The following UNC13C variants were observed in gnomAD, a reference collection of about 807,000 sequenced individuals.
The protein encoded by UNC13C is protein unc-13 homolog C.
A neutral mutation model predicts 245.4 loss-of-function variants in UNC13C; 174 were observed. The ratio of observed to expected loss-of-function variants is 0.71; its 90% CI spans 0.63 to 0.80. The LOEUF is 0.80. Among genes scored for constraint, UNC13C ranks in the 30% least tolerant of loss-of-function variants. The pLI is 0.00. For missense variants in UNC13C, 2,829 were observed against 2,602.9 expected (o/e 1.09, Z -1.89); for synonymous variants, 992 against 895.1 (o/e 1.11, Z -1.93).
chr15:54,620,277 G>A (rs1221963344), intron 30 of UNC13C, among the ~76,000 whole-genome samples: 1 of 152,070 alleles, frequency 6.6e-6, no homozygotes, highest in African/African-American at 2.4e-5. Context: ...ACACACACAG[G>A]TAGGGTGTAT....
the UNC13C span, among the ~76,000 whole-genome samples, chr15:53,937,020 G>A: frequency 4.7e-4 from 71 of 152,330 alleles, no homozygotes; most frequent in Middle Eastern, 3.4e-3. Flanking sequence ...CACAGAACTG[G>A]GCTGAGGCTG....
At chr15:53,966,093 G>A in the UNC13C span, among the ~76,000 whole-genome samples, 16 of 152,046 alleles carry the variant, frequency 1.1e-4, no homozygotes, top group Non-Finnish European at 1.6e-4. Flanking sequence ...AAATGTATTT[G>A]TTAAAGAAAT....
At chr15:54,364,031 G>A (rs890960847) in intron 17 of UNC13C, among the ~76,000 whole-genome samples, 1 of 152,174 alleles carries the variant, frequency 6.6e-6, no homozygotes, top group East Asian at 1.9e-4. Context: ...CATCAATTCA[G>A]TACAGGCACT....
At chr15:54,268,547 T>C (rs1264695543) in intron 10 of UNC13C, among the ~76,000 whole-genome samples, 2 of 152,136 alleles carry the variant, frequency 1.3e-5, no homozygotes, top group Admixed American at 1.3e-4. Context: ...TATCGTAGCA[T>C]CCTATAGGTA....
At chr15:54,538,616 C>T (rs1896103470) in intron 26 of UNC13C, among the ~76,000 whole-genome samples, 1 of 152,020 alleles carries the variant, frequency 6.6e-6, no homozygotes, top group African/African-American at 2.4e-5. Flanking sequence ...CAATGGTAGA[C>T]TGGATAAAGA....
At chr15:54,484,946 G>A (rs1004311382) in intron 19 of UNC13C, among the ~76,000 whole-genome samples, 1 of 152,098 alleles carries the variant, frequency 6.6e-6, no homozygotes, top group African/African-American at 2.4e-5. Context: ...ATAAGATTCT[G>A]AGACATACTT....
intron 17 of UNC13C, among the ~76,000 whole-genome samples, chr15:54,379,702 G>A (rs1383434236): frequency 6.6e-6 from 1 of 152,138 alleles, no homozygotes; most frequent in Non-Finnish European, 1.5e-5. Flanking sequence ...TGATGGAGAA[G>A]ATCCGTGGAC....
At chr15:54,571,407 T>G (rs1229463188) in intron 30 of UNC13C, among the ~76,000 whole-genome samples, 1 of 152,188 alleles carries the variant, frequency 6.6e-6, no homozygotes, top group Non-Finnish European at 1.5e-5. Context: ...CCCCTGTGAT[T>G]CAATTACCTC....
chr15:54,356,941 G>A (rs541587175), intron 17 of UNC13C, among the ~76,000 whole-genome samples: 2 of 152,138 alleles, frequency 1.3e-5, no homozygotes, highest in East Asian at 3.9e-4. Context: ...ATTGATTTAT[G>A]TATTCTGATC....
At chr15:54,592,235 A>G (rs1239990794) in intron 30 of UNC13C, among the ~76,000 whole-genome samples, 1 of 152,138 alleles carries the variant, frequency 6.6e-6, no homozygotes, top group African/African-American at 2.4e-5. Flanking sequence ...TCTTGGAGAA[A>G]GTTCCATGCA....
intron 4 of UNC13C, among the ~76,000 whole-genome samples, chr15:54,159,345 G>A (rs1455599178): frequency 6.6e-6 from 1 of 152,336 alleles, no homozygotes; most frequent in Middle Eastern, 3.4e-3. Flanking sequence ...GATGTGAGTG[G>A]AGAGGAAAAC....
At chr15:54,565,068 G>A (rs776421783) in intron 29 of UNC13C, among the ~76,000 whole-genome samples, 3 of 151,908 alleles carry the variant, frequency 2.0e-5, no homozygotes, top group Non-Finnish European at 4.4e-5. Flanking sequence ...AAAAACAACA[G>A]TACTTAAAAA....
At chr15:54,434,918 T>C (rs907952280) in intron 19 of UNC13C, among the ~76,000 whole-genome samples, 1 of 151,644 alleles carries the variant, frequency 6.6e-6, no homozygotes, top group African/African-American at 2.4e-5. Flanking sequence ...AAGTGGGCAA[T>C]GGATATGAAC....
intron 2 of UNC13C, among the ~76,000 whole-genome samples, chr15:54,030,865 A>G (rs1441661941): frequency 6.6e-6 from 1 of 152,074 alleles, no homozygotes; most frequent in Non-Finnish European, 1.5e-5. Flanking sequence ...AGAGCCCAAA[A>G]TCCTATTTGT....
chr15:54,172,840 T>C (rs984883323), intron 4 of UNC13C, among the ~76,000 whole-genome samples: 1 of 148,620 alleles, frequency 6.7e-6, no homozygotes, highest in Admixed American at 6.7e-5. Flanking sequence ...TATTCTATGG[T>C]GAGCTTTAGA....
At chr15:54,296,358 G>T (rs1172922398) in intron 11 of UNC13C, among the ~76,000 whole-genome samples, 1 of 147,884 alleles carries the variant, frequency 6.8e-6, no homozygotes, top group South Asian at 2.2e-4. Flanking sequence ...CTGCAACCAC[G>T]GCCGGCTAAT....
intron 10 of UNC13C, among the ~76,000 whole-genome samples, chr15:54,288,638 A>C (rs1009749666): frequency 6.6e-6 from 1 of 152,096 alleles, no homozygotes; most frequent in African/African-American, 2.4e-5. Flanking sequence ...AAACTAAAAA[A>C]GGGAAGGAGA....
the UNC13C span, among the ~76,000 whole-genome samples, chr15:53,957,747 G>A: frequency 6.6e-6 from 1 of 152,068 alleles, no homozygotes; most frequent in Non-Finnish European, 1.5e-5. Context: ...GAGGAGTTTG[G>A]CCTTATTTTA....
At chr15:54,367,663 A>G (rs1479966312) in intron 17 of UNC13C, among the ~76,000 whole-genome samples, 1 of 152,172 alleles carries the variant, frequency 6.6e-6, no homozygotes, top group Admixed American at 6.5e-5. Context: ...TTATAGCATA[A>G]TAAAAGCTGC....
Sources: gnomAD v4.1 joint callset for allele counts (sites outside exome capture counted in the v4.1 genomes callset) on GRCh38, gnomAD v4.1.1 for gene constraint, MANE v1.5 for transcripts, NCBI Gene and HGNC (gene_info 2026-07-23, HGNC 2026-07-21) for gene names.